SLC24A2: variants seen among roughly 807,000 people sequenced by gnomAD.
SLC24A2 encodes the protein solute carrier family 24 member 2.
In SLC24A2, 36 loss-of-function variants were observed where a neutral mutation model predicts 62.0. That is an observed-to-expected ratio of 0.58 (90% CI 0.44 to 0.77). SLC24A2 has a LOEUF of 0.77. SLC24A2 is among the 30% of genes least tolerant of loss of function. The probability of loss-of-function intolerance (pLI) is 0.00; values close to 1 mark genes in which losing one functional copy is unlikely to be tolerated. For missense variants in SLC24A2, 846 were observed against 817.9 expected (o/e 1.03, Z -0.42); for synonymous variants, 358 against 294.0 (o/e 1.22, Z -2.23).
At chr9:20,149,429 G>A in the SLC24A2 span, among the ~76,000 whole-genome samples, 1 of 151,866 alleles carries the variant, frequency 6.6e-6, no homozygotes, top group Non-Finnish European at 1.5e-5. Context: ...CAGCCATATT[G>A]AAATGATCCT....
the SLC24A2 span, among the ~76,000 whole-genome samples, chr9:19,886,143 T>C: frequency 6.6e-6 from 1 of 152,188 alleles, no homozygotes; most frequent in Non-Finnish European, 1.5e-5. Flanking sequence ...CGAATGGCAA[T>C]TCTGTTTTAA....
chr9:19,892,588 T>G, the SLC24A2 span, among the ~76,000 whole-genome samples: 3 of 152,208 alleles, frequency 2.0e-5, no homozygotes, highest in African/African-American at 7.2e-5. Flanking sequence ...CTTTTACTGT[T>G]AAGAGTGACC....
intron 10 of SLC24A2, 78 bp from the exon 11 acceptor site, chr9:19,516,480 A>G: frequency 1.4e-6 from 2 of 1,467,586 alleles, no homozygotes; most frequent in East Asian, 2.4e-5. Flanking sequence ...GGCAAATATA[A>G]CCTATTATTA....
At chr9:19,891,884 A>T in the SLC24A2 span, among the ~76,000 whole-genome samples, 2 of 152,342 alleles carry the variant, frequency 1.3e-5, no homozygotes, top group East Asian at 3.9e-4. Flanking sequence ...AACACCTCCC[A>T]TTAGGCCTCA....
At chr9:19,851,260 G>T in the SLC24A2 span, among the ~76,000 whole-genome samples, 1 of 150,826 alleles carries the variant, frequency 6.6e-6, no homozygotes, top group African/African-American at 2.4e-5. Context: ...CCTGACCTCA[G>T]GTAATCCACC....
At chr9:20,085,846 C>G in the SLC24A2 span, among the ~76,000 whole-genome samples, 27 of 152,304 alleles carry the variant, frequency 1.8e-4, 1 homozygote, top group African/African-American at 6.0e-4. Flanking sequence ...GACTTGTTCA[C>G]TACATTAATT....
the SLC24A2 span, among the ~76,000 whole-genome samples, chr9:20,229,342 T>C: frequency 6.6e-6 from 1 of 152,296 alleles, no homozygotes; most frequent in Non-Finnish European, 1.5e-5. Context: ...AAGTATGGTA[T>C]GAATATCTAC....
chr9:20,083,627 C>G, the SLC24A2 span, among the ~76,000 whole-genome samples: 1 of 152,164 alleles, frequency 6.6e-6, no homozygotes, highest in African/African-American at 2.4e-5. Flanking sequence ...CATTTAGTAG[C>G]ATTTAGATTA....
At chr9:19,791,267 G>T (rs192505821), upstream of SLC24A2, among the ~76,000 whole-genome samples, 1 of 151,956 alleles carries the variant, frequency 6.6e-6, no homozygotes, top group Non-Finnish European at 1.5e-5. Flanking sequence ...AAAGAGTGAA[G>T]GGTGAAAGGC....
At chr9:19,671,914 A>G (rs1326170915) in intron 2 of SLC24A2, among the ~76,000 whole-genome samples, 1 of 146,186 alleles carries the variant, frequency 6.8e-6, no homozygotes, top group Admixed American at 6.7e-5. Context: ...CCAATTGATT[A>G]TGGTGGATTT....
At chr9:20,195,547 A>G in the SLC24A2 span, among the ~76,000 whole-genome samples, 3 of 151,936 alleles carry the variant, frequency 2.0e-5, no homozygotes, top group Non-Finnish European at 4.4e-5. Flanking sequence ...TTTTCTCTCA[A>G]TTTGTAAGTT....
the SLC24A2 span, among the ~76,000 whole-genome samples, chr9:20,305,471 T>C: frequency 1.3e-5 from 2 of 151,944 alleles, 1 homozygote; most frequent in Non-Finnish European, 2.9e-5. Context: ...AAAGGCTTTA[T>C]AATAGCAATT....
chr9:19,895,658 C>G, the SLC24A2 span: 2 of 622,070 alleles, frequency 3.2e-6, no homozygotes, highest in Admixed American at 3.1e-5. Context: ...AAGTCTGCTC[C>G]CCTGCAGGCT....
At chr9:20,016,988 G>A in the SLC24A2 span, among the ~76,000 whole-genome samples, 35 of 152,276 alleles carry the variant, frequency 2.3e-4, 1 homozygote, top group African/African-American at 8.2e-4. Flanking sequence ...AAAGGGCATA[G>A]TTGCTAAATA....
intron 2 of SLC24A2, among the ~76,000 whole-genome samples, chr9:19,667,969 C>T (rs1032690148): frequency 6.6e-6 from 1 of 152,244 alleles, no homozygotes. Context: ...CCTTTTGTAT[C>T]TTGACCTTCT....
chr9:19,810,118 G>T, the SLC24A2 span, among the ~76,000 whole-genome samples: 1 of 152,274 alleles, frequency 6.6e-6, no homozygotes, highest in East Asian at 1.9e-4. Flanking sequence ...TTAACTCAGA[G>T]AGAGTAAGTG....
chr9:19,782,079 T>C (rs1305661261), intron 2 of SLC24A2, among the ~76,000 whole-genome samples: 3 of 152,216 alleles, frequency 2.0e-5, no homozygotes, highest in Non-Finnish European at 2.9e-5. Flanking sequence ...CATCTTTATT[T>C]AGATTGTGCC....
At chr9:20,208,797 G>T in the SLC24A2 span, among the ~76,000 whole-genome samples, 2 of 152,192 alleles carry the variant, frequency 1.3e-5, no homozygotes, top group Non-Finnish European at 2.9e-5. Context: ...ACCCGTTCTG[G>T]AGCTGGGACC....
At chr9:19,601,003 G>C (rs1486231877) in intron 4 of SLC24A2, among the ~76,000 whole-genome samples, 1 of 152,160 alleles carries the variant, frequency 6.6e-6, no homozygotes, top group African/African-American at 2.4e-5. Flanking sequence ...GTGGGGACTT[G>C]GAGAACTTTT....
Sources: gnomAD v4.1 joint callset for allele counts (sites outside exome capture counted in the v4.1 genomes callset) on GRCh38, gnomAD v4.1.1 for gene constraint, MANE v1.5 for transcripts, NCBI Gene and HGNC (gene_info 2026-07-23, HGNC 2026-07-21) for gene names.